CA5A: variants seen among roughly 807,000 people sequenced by gnomAD.
The protein encoded by CA5A is carbonic anhydrase 5A.
In CA5A, 28 loss-of-function variants were observed where a neutral mutation model predicts 37.1. The observed-to-expected ratio is 0.75, with a 90% CI of 0.56 to 1.03. The LOEUF is 1.03. CA5A is among the 50% of genes least tolerant of loss of function. CA5A has a pLI of 0.00. For missense variants in CA5A, 444 were observed against 399.9 expected (o/e 1.11, Z -0.94); for synonymous variants, 171 against 158.4 (o/e 1.08, Z -0.60).
At chr16:87,919,217 G>A (rs2056196753) in intron 2 of CA5A, among the ~76,000 whole-genome samples, 1 of 152,216 alleles carries the variant, frequency 6.6e-6, no homozygotes, top group African/African-American at 2.4e-5. Context: ...CCGAGTCAGG[G>A]AGGGGCCGAG....
Position 87,926,886 on chromosome 16 carries a change from T to C in CA5A, c.202A>G (p.Asn68Asp), listed in dbSNP as rs2056320344. The change falls in exon 2 of 7, where the codon AAC (asparagine) becomes GAC (aspartate). Residue 68 changes from asparagine to aspartate, a missense_variant. Coordinates refer to ENST00000649794, the MANE Select transcript of CA5A (RefSeq NM_001739.2). ...TAGACGCTGTCCCTCCACTGGATGT[T>C]AATAGGAGACTGCCGGGTGCCCCCT... ...VPGGTRQSPI[N>D]IQWRDSVYDP... 2 of 1,611,128 alleles carry C rather than the reference T, an allele frequency of 1.2e-6. No individual in the cohort carries two copies. The highest frequency in any genetic ancestry group is 8.5e-7 in the Non-Finnish European group (1 of 1,178,556).
chr16:87,893,125 C>CCTTT (rs555248928), intron 5 of CA5A: 7,777 of 523,114 alleles, frequency 0.015, 114 homozygotes, highest in African/African-American at 0.04. Flanking sequence ...TTTCTTTCTT[C>CCTTT]CTTTCTTTCT....
At chr16:87,897,434 T>C (rs748952595) in intron 5 of CA5A, among the ~76,000 whole-genome samples, 76 of 134,798 alleles carry the variant, frequency 5.6e-4, no homozygotes, top group Non-Finnish European at 9.5e-4. Flanking sequence ...AGGACCACAC[T>C]GGGGCTGTGC....
chr16:87,910,139 G>A (rs150867552), intron 2 of CA5A, among the ~76,000 whole-genome samples: 3,603 of 152,264 alleles, frequency 0.024, 146 homozygotes, highest in African/African-American at 0.082. Flanking sequence ...GCCTTCATGG[G>A]GTGAAACAGC....
At chr16:87,899,950 AAAG>A (rs2055855099) in intron 5 of CA5A, among the ~76,000 whole-genome samples, 3 of 136,838 alleles carry the variant, frequency 2.2e-5, no homozygotes, top group Non-Finnish European at 4.7e-5. Context: ...AAAAAAAAAA[AAAG>A]AGTCTAACTC....
At chr16:87,892,015 T>G in intron 5 of CA5A, 61 bp from the exon 6 acceptor site, 2 of 1,435,446 alleles carry the variant, frequency 1.4e-6, no homozygotes. Flanking sequence ...GCTTCCATCT[T>G]GTCTCAGCAC....
In CA5A at chr16:87,904,574, G is replaced by T. The variant is rs554012734; in HGVS notation, c.459+212C>A. ...ATTCAGAACCTCAGTCTCTTCTTCC[G>T]TTAAATGAGAGAGAACTTACAGCGC... On this transcript the variant is annotated intron_variant, in intron 3 of 6. Transcript: ENST00000649794. Among the ~76,000 whole-genome samples, 4 of 152,222 alleles carry T rather than the reference G, an allele frequency of 2.6e-5. No individual in the cohort carries two copies. In the South Asian group the frequency reaches 6.2e-4, roughly 24 times the overall value.
intron 2 of CA5A, among the ~76,000 whole-genome samples, chr16:87,917,965 T>G (rs953358517): frequency 6.6e-6 from 1 of 152,236 alleles, no homozygotes; most frequent in Non-Finnish European, 1.5e-5. Flanking sequence ...GGGTCGTCCT[T>G]GAACCGCACA....
chr16:87,929,871 C>CAAAAAAAAAAA, intron 1 of CA5A, among the ~76,000 whole-genome samples: 1 of 62,366 alleles, frequency 1.6e-5, no homozygotes, highest in Non-Finnish European at 2.7e-5. Context: ...GACTCCGTCT[C>CAAAAAAAAAAA]AAAAAAAAAA....
At chr16:87,916,741 C>CA (rs988086177) in intron 2 of CA5A, among the ~76,000 whole-genome samples, 1 of 152,216 alleles carries the variant, frequency 6.6e-6, no homozygotes, top group Admixed American at 6.5e-5. Flanking sequence ...TTCCTCCCTA[C>CA]AAAAGACCAC....
intron 2 of CA5A, among the ~76,000 whole-genome samples, chr16:87,910,804 C>T (rs1344357556): frequency 1.3e-5 from 2 of 152,090 alleles, no homozygotes; most frequent in Non-Finnish European, 2.9e-5. Flanking sequence ...GGCTGGAGTG[C>T]AATGGCCAGA....
At chr16:87,891,130 T>C (rs529999807) in intron 6 of CA5A, among the ~76,000 whole-genome samples, 1 of 141,534 alleles carries the variant, frequency 7.1e-6, no homozygotes, top group African/African-American at 2.8e-5. Context: ...ACAAATATTA[T>C]TAATTAATTT....
chr16:87,929,895 A>AAAAC (rs1258622359), intron 1 of CA5A, among the ~76,000 whole-genome samples: 5 of 151,126 alleles, frequency 3.3e-5, no homozygotes. Flanking sequence ...AAAAAAAAAA[A>AAAAC]ATAAGTAAAC....
intron 5 of CA5A, among the ~76,000 whole-genome samples, chr16:87,897,518 G>C (rs1317065669): frequency 2.6e-5 from 4 of 152,152 alleles, no homozygotes; most frequent in South Asian, 2.1e-4. Context: ...ATGGTGCTGG[G>C]GGTGGGGGTG....
At chr16:87,922,650 C>A (rs1297587085) in intron 2 of CA5A, among the ~76,000 whole-genome samples, 1 of 152,268 alleles carries the variant, frequency 6.6e-6, no homozygotes, top group African/African-American at 2.4e-5. Flanking sequence ...CTCCGCTGGG[C>A]TTGAGCCAGA....
At chr16:87,907,475 G>A (rs2055981851) in intron 2 of CA5A, among the ~76,000 whole-genome samples, 1 of 152,188 alleles carries the variant, frequency 6.6e-6, no homozygotes, top group Admixed American at 6.5e-5. Flanking sequence ...TTTACTGTGT[G>A]GAAATTCACG....
intron 2 of CA5A, among the ~76,000 whole-genome samples, chr16:87,921,797 C>T (rs2056234170): frequency 6.6e-6 from 1 of 152,182 alleles, no homozygotes; most frequent in South Asian, 2.1e-4. Flanking sequence ...CTTGGATCTG[C>T]CTTGCACCTG....
At chr16:87,888,491 T>C (rs972640008) in intron 6 of CA5A, among the ~76,000 whole-genome samples, 1 of 152,122 alleles carries the variant, frequency 6.6e-6, no homozygotes, top group African/African-American at 2.4e-5. Flanking sequence ...GGGGGGAAGC[T>C]GGTCGCCATA....
At chr16:87,897,118 T>A (rs1437105468) in intron 5 of CA5A, among the ~76,000 whole-genome samples, 2 of 152,232 alleles carry the variant, frequency 1.3e-5, no homozygotes, top group Non-Finnish European at 2.9e-5. Flanking sequence ...TGGGGCTCAG[T>A]AGGTGCTGCC....
Sources: allele counts gnomAD v4.1 joint callset (sites outside exome capture counted in the v4.1 genomes callset), GRCh38; gene constraint gnomAD v4.1.1; transcripts MANE v1.5; gene names NCBI Gene and HGNC (gene_info 2026-07-23, HGNC 2026-07-21).